The following FERMT1 variants were observed in gnomAD, a reference collection of about 807,000 sequenced individuals.
The protein encoded by FERMT1 is fermitin family homolog 1.
Under a neutral mutation model 85.3 loss-of-function variants are expected in FERMT1, and 60 were observed. The ratio of observed to expected loss-of-function variants is 0.70; its 90% CI spans 0.57 to 0.87. FERMT1 has a LOEUF of 0.87. Ranked by LOEUF, FERMT1 falls within the 40% of genes least tolerant of loss-of-function variation. FERMT1 has a pLI of 0.00. For synonymous variants in FERMT1, 275 were observed against 301.1 expected, an observed-to-expected ratio of 0.91 and a Z score of 0.90; for missense variants, 701 against 818.9, an observed-to-expected ratio of 0.86 and a Z score of 1.76.
chr20:6,087,103 G>A (rs1982209538), intron 11 of FERMT1, among the ~76,000 whole-genome samples: 1 of 152,068 alleles, frequency 6.6e-6, no homozygotes. Context: ...AGGTGCATGT[G>A]TTGCTACGTG....
intron 9 of FERMT1, among the ~76,000 whole-genome samples, chr20:6,090,713 G>C (rs924031555): frequency 3.3e-5 from 5 of 151,678 alleles, no homozygotes; most frequent in African/African-American, 1.2e-4. Context: ...GACAGAGTAA[G>C]GACTTGTTTC....
intron 5 of FERMT1, among the ~76,000 whole-genome samples, chr20:6,109,446 G>A (rs1982885183): frequency 1.3e-5 from 2 of 152,318 alleles, no homozygotes; most frequent in South Asian, 4.1e-4. Context: ...ACACCTGTTG[G>A]GGCCAGATCT....
intron 2 of FERMT1, among the ~76,000 whole-genome samples, chr20:6,116,640 A>AAT (rs1355818824): frequency 6.6e-6 from 1 of 151,890 alleles, no homozygotes; most frequent in African/African-American, 2.4e-5. Flanking sequence ...GAGGCAGGAG[A>AAT]ATCACTTGAA....
chr20:6,090,740 A>G (rs936678950), intron 9 of FERMT1, among the ~76,000 whole-genome samples: 1 of 152,154 alleles, frequency 6.6e-6, no homozygotes, highest in Non-Finnish European at 1.5e-5. Context: ...ATAAATAAAT[A>G]AAATTTAAAA....
chr20:6,085,216 G>A lies in FERMT1; in HGVS notation c.1443C>T (p.Ser481=). 2 of 1,614,178 alleles carry A rather than the reference G, an allele frequency of 1.2e-6. No individual in the cohort carries two copies. The highest frequency in any genetic ancestry group is 1.7e-6 in the Non-Finnish European group (2 of 1,180,034). ...ASKGKTMADS[S]YQPEVLNILS... is the part of the protein sequence containing the mutation. ...GGATGTTGAGGACCTCTGGCTGGTAGGAGCTGTCTGCCATGGTTTTGCCCT... is the reference window on the plus strand; with the variant it reads ...GGATGTTGAGGACCTCTGGCTGGTAAGAGCTGTCTGCCATGGTTTTGCCCT... The change falls in exon 12 of 15, where the codon TCC becomes TCT. Residue 481 remains serine (S), a synonymous_variant. Coordinates refer to ENST00000217289, the MANE Select transcript of FERMT1 (RefSeq NM_017671.5).
chr20:6,107,574 G>A lies in FERMT1; in HGVS notation c.807C>T (p.Leu269=), dbSNP rs148551084. The change falls in exon 6 of 15, where the codon CTC becomes CTT. Residue 269 remains leucine (L), a synonymous_variant. Coordinates refer to ENST00000217289, the MANE Select transcript of FERMT1 (RefSeq NM_017671.5). ...AGAAAGAATAATATTTAAATCGTAA[G>A]AGCAGCTGCTCATCCTCTTGGATGC... ...EQGIQEDEQL[L]LRFKYYSFFD... is the part of the protein sequence containing the mutation. 21 of 1,613,054 alleles carry A rather than the reference G, an allele frequency of 1.3e-5. No homozygotes were observed. The highest frequency in any genetic ancestry group is 6.7e-5 in the African/African-American group (5 of 74,902).
intron 14 of FERMT1, among the ~76,000 whole-genome samples, chr20:6,078,311 A>G (rs796529018): frequency 9.2e-5 from 14 of 152,324 alleles, no homozygotes; most frequent in African/African-American, 3.4e-4. Context: ...TTTTACAAAT[A>G]AGCACCCAGA....
At chr20:6,095,057 G>GCCATATTAGACAGTGCAGGT in intron 8 of FERMT1, 69 bp from the exon 9 acceptor site, 1 of 835,500 alleles carries the variant, frequency 1.2e-6, no homozygotes, top group Non-Finnish European at 2.1e-6. Flanking sequence ...AACCTGCACT[G>GCCATATTAGACAGTGCAGGT]TCTAATATGG....
Position 6,104,273 on chromosome 20 carries a change from A to G in FERMT1, c.849+3259T>C, listed in dbSNP as rs58790452. Among the ~76,000 whole-genome samples, 14,115 of 152,168 alleles carry G rather than the reference A, an allele frequency of 0.093. 1,178 individuals are homozygous for G. The highest frequency in any genetic ancestry group is 0.46 in the East Asian group (2,396 of 5,164). On this transcript the variant is annotated intron_variant, in intron 6 of 14. Coordinates refer to ENST00000217289, the MANE Select transcript of FERMT1 (RefSeq NM_017671.5). This position sits in a 1 kb window ranked among gnomAD's most constrained non-coding sequence, Gnocchi z 4.2. The stretch of plus-strand genomic sequence containing the variant: ...CTGTGGCCAGTATGAATCTCTCTGA[A>G]AGCCAGAGAAGCTCTCTAGTCCTCA...
intron 8 of FERMT1, among the ~76,000 whole-genome samples, chr20:6,095,227 C>T (rs937745639): frequency 6.6e-6 from 1 of 152,086 alleles, no homozygotes; most frequent in African/African-American, 2.4e-5. Context: ...TTGAGGTCCC[C>T]TAGGTGGCTG....
At chr20:6,078,091 AC>A (rs1981883090) in intron 14 of FERMT1, among the ~76,000 whole-genome samples, 1 of 152,192 alleles carries the variant, frequency 6.6e-6, no homozygotes, top group Admixed American at 6.5e-5. Flanking sequence ...AGACTTAGAG[AC>A]TTTGCTGGTT....
chr20:6,107,612 G>T lies in FERMT1; in HGVS notation c.769C>A (p.Leu257Ile). The T allele has an allele frequency of 6.2e-7, 1 of 1,610,838 alleles. No individual in the cohort carries two copies. The highest frequency in any genetic ancestry group is 8.5e-7 in the Non-Finnish European group (1 of 1,177,282). ...TCCTCTTGGATGCCTTGTTCCATAA[G>T]GGAGCGTGAGGAGTCTAGCCAACTA... is the stretch of plus-strand genomic sequence containing the variant. ...NAGWLDSSRS[L>I]MEQGIQEDEQ... Residue 257 changes from leucine to isoleucine, a missense_variant, in exon 6 of 15, where the codon CTT (leucine) becomes ATT (isoleucine). Transcript: ENST00000217289.
chr20:6,109,493 A>G (rs1326109908), intron 5 of FERMT1, among the ~76,000 whole-genome samples: 1 of 152,236 alleles, frequency 6.6e-6, no homozygotes, highest in African/African-American at 2.4e-5. Context: ...GTTTGACTTT[A>G]TCTGGTAGGC....
chr20:6,090,680 A>C (rs928098711), intron 9 of FERMT1, among the ~76,000 whole-genome samples: 6 of 152,128 alleles, frequency 3.9e-5, no homozygotes, highest in African/African-American at 1.4e-4. Context: ...TTGAGGCTGC[A>C]GTGAGCTATG....
chr20:6,105,787 C>T (rs1312894702), intron 6 of FERMT1, among the ~76,000 whole-genome samples: 1 of 152,142 alleles, frequency 6.6e-6, no homozygotes, highest in Non-Finnish European at 1.5e-5. Flanking sequence ...AATAAACACA[C>T]AAACAAACAA....
chr20:6,092,642 G>A (rs1004180295), intron 9 of FERMT1, among the ~76,000 whole-genome samples: 1 of 152,178 alleles, frequency 6.6e-6, no homozygotes, highest in Non-Finnish European at 1.5e-5. Flanking sequence ...ATGCAAGGAT[G>A]AACTTCCTTA....
At chr20:6,113,157 G>C (rs746934589) in intron 3 of FERMT1, among the ~76,000 whole-genome samples, 30 of 152,070 alleles carry the variant, frequency 2.0e-4, no homozygotes, top group Non-Finnish European at 4.1e-4. Flanking sequence ...GAGATCTGAT[G>C]GTTTTATAGG....
At chr20:6,099,603 A>G (rs1263402870) in intron 6 of FERMT1, among the ~76,000 whole-genome samples, 1 of 152,112 alleles carries the variant, frequency 6.6e-6, no homozygotes, top group Non-Finnish European at 1.5e-5. Flanking sequence ...AGAGAAGGCA[A>G]TGGAGAATTA....
intron 6 of FERMT1, among the ~76,000 whole-genome samples, chr20:6,098,902 T>C (rs1331805669): frequency 6.6e-6 from 1 of 152,198 alleles, no homozygotes; most frequent in Non-Finnish European, 1.5e-5. Flanking sequence ...AGTTTGGCAG[T>C]TCTTTAAAAA....
Sources: allele counts gnomAD v4.1 joint callset (sites outside exome capture counted in the v4.1 genomes callset), GRCh38; gene constraint gnomAD v4.1.1; non-coding constraint Gnocchi (gnomAD v3.1); transcripts MANE v1.5; gene names NCBI Gene and HGNC (gene_info 2026-07-23, HGNC 2026-07-21).